Variants in PRDM10 observed in about 807,000 individuals in gnomAD.
PRDM10 encodes PR/SET domain 10.
A neutral mutation model predicts 133.1 loss-of-function variants in PRDM10; 65 were observed. The observed-to-expected ratio is 0.49, with a 90% CI of 0.40 to 0.60. The LOEUF (loss-of-function observed/expected upper bound fraction) is 0.60, where lower values mean the gene tolerates loss of function less well. Ranked by LOEUF, PRDM10 falls within the 20% of genes least tolerant of loss-of-function variation. The probability of loss-of-function intolerance (pLI) is 0.00; values close to 1 mark genes in which losing one functional copy is unlikely to be tolerated. For synonymous variants in PRDM10, 582 were observed against 580.4 expected, an observed-to-expected ratio of 1.00 and a Z score of -0.04; for missense variants, 1,137 against 1,507.1, an observed-to-expected ratio of 0.75 and a Z score of 4.07.
In PRDM10 at chr11:129,938,151, T is replaced by C. The variant is rs974605357; in HGVS notation, c.967-481A>G. Among the ~76,000 whole-genome samples the C allele has an allele frequency of 6.6e-5, 10 of 152,258 alleles. 1 individual carries two copies. Among genetic ancestry groups the C allele is most frequent in the Admixed American group, 4.6e-4 (7 of 15,310 alleles). On this transcript the variant is annotated intron_variant, in intron 7 of 20. Transcript: ENST00000360871. ...TTTTTTTCTCCCTAACTTCTAAATA[T>C]TGGTGTGGCTCAAAGCTTAGTCAGA...
In PRDM10 at chr11:129,945,257, C is replaced by T. The variant is rs1951368256; in HGVS notation, c.521-245G>A. 6.6e-6 allele frequency among the ~76,000 whole-genome samples: 1 copy of T among 152,192 alleles called. No homozygotes were observed. The highest frequency in any genetic ancestry group is 2.4e-5 in the African/African-American group (1 of 41,446). ...GCCAAAAACAACTAGCAGGCCATGA[C>T]TGACTTCTTTGCTGGAGAGTCCTTT... On this transcript the variant is annotated intron_variant, in intron 5 of 20. Transcript: ENST00000360871. The surrounding 1 kb of genome is among the most constrained non-coding windows in gnomAD (Gnocchi z 4.2).
chr11:129,975,979 T>A (rs1182141379), intron 1 of PRDM10, among the ~76,000 whole-genome samples: 1 of 152,140 alleles, frequency 6.6e-6, no homozygotes, highest in African/African-American at 2.4e-5. Flanking sequence ...GGCAATGATA[T>A]TTGGTCTCCT....
At chr11:129,940,546 T>C (rs936460052) in intron 7 of PRDM10, among the ~76,000 whole-genome samples, 3 of 152,252 alleles carry the variant, frequency 2.0e-5, no homozygotes, top group Non-Finnish European at 4.4e-5. Flanking sequence ...TTAAAAATTA[T>C]TAATGTTGAA....
At chr11:130,000,020 G>C (rs1032221777) in intron 1 of PRDM10, among the ~76,000 whole-genome samples, 2 of 145,990 alleles carry the variant, frequency 1.4e-5, no homozygotes, top group African/African-American at 5.0e-5. Context: ...TATGGGTTTT[G>C]TTTTTTTTCA....
chr11:129,982,782 C>A (rs1938184635), intron 1 of PRDM10, among the ~76,000 whole-genome samples: 1 of 151,996 alleles, frequency 6.6e-6, no homozygotes, highest in East Asian at 2.0e-4. Context: ...AAGACCTCCC[C>A]CCAACCATCT....
In PRDM10 at chr11:129,947,916, C is replaced by T. The variant is rs771629358; in HGVS notation, c.295-546G>A. The stretch of plus-strand genomic sequence containing the variant: ...GCCTTTCCAGAGTAGCCATACCACA[C>T]TGGAGGGGGTAAATGAGTTGACCTA... On this transcript the variant is annotated intron_variant, in intron 4 of 20. Coordinates refer to ENST00000360871, the MANE Select transcript of PRDM10 (RefSeq NM_199437.2). This position sits in a 1 kb window ranked among gnomAD's most constrained non-coding sequence, Gnocchi z 4.6. 8 of 398,850 alleles carry T rather than the reference C, an allele frequency of 2.0e-5. No homozygotes were observed. The Admixed American group carries it at 2.4e-4, about 12-fold the overall frequency. 24.7% of individuals were successfully genotyped at this position (398,850 alleles called of 1,614,324 possible). A position where few individuals can be genotyped will look rare whatever the true frequency, so the allele number is the denominator to read the frequency against.
chr11:129,915,456 G>A (rs762467959), intron 16 of PRDM10, among the ~76,000 whole-genome samples: 26 of 152,170 alleles, frequency 1.7e-4, no homozygotes, highest in Non-Finnish European at 3.2e-4. Flanking sequence ...GCTGCTGTAC[G>A]GCACTAATTC....
At chr11:129,984,080 C>A (rs1211045744) in intron 1 of PRDM10, among the ~76,000 whole-genome samples, 2 of 152,190 alleles carry the variant, frequency 1.3e-5, no homozygotes, top group Non-Finnish European at 2.9e-5. Context: ...CCTCTTTCCC[C>A]CTAGGCTTCC....
At chr11:130,001,931 G>A (rs1283839876) in intron 1 of PRDM10, among the ~76,000 whole-genome samples, 1 of 151,594 alleles carries the variant, frequency 6.6e-6, no homozygotes, top group Non-Finnish European at 1.5e-5. Context: ...CAGACCCGCA[G>A]GGGCCACCCC....
In PRDM10 at chr11:129,934,990, G is replaced by C. The variant is rs1458828282; in HGVS notation, c.1157+111C>G. 7 of 842,862 alleles carry C rather than the reference G, an allele frequency of 8.3e-6. No individual in the cohort carries two copies. The Admixed American group carries it at 9.5e-5, about 11-fold the overall frequency. The allele number at this position is 842,862 out of a possible 1,614,324, so 52.2% of individuals were successfully genotyped here. On this transcript the variant is annotated intron_variant, in intron 9 of 20. Coordinates refer to ENST00000360871, the MANE Select transcript of PRDM10 (RefSeq NM_199437.2). ...CACCGTTCCCTCAGTAGCCCACCTG[G>C]TTACCTATCTATACATGACACTCGG... is the stretch of plus-strand genomic sequence containing the variant.
At chr11:129,906,596 C>T (rs1445819577) in intron 19 of PRDM10, among the ~76,000 whole-genome samples, 1 of 152,170 alleles carries the variant, frequency 6.6e-6, no homozygotes, top group Non-Finnish European at 1.5e-5. Context: ...TCCTGCCTTT[C>T]TTGTACAAAC....
At chr11:129,909,561 C>A (rs971964325) in intron 19 of PRDM10, among the ~76,000 whole-genome samples, 19 of 152,036 alleles carry the variant, frequency 1.2e-4, no homozygotes, top group African/African-American at 4.3e-4. Context: ...CAAAGACGGG[C>A]CCCCAAAAAT....
chr11:130,002,227 C>T (rs1396632362), intron 1 of PRDM10, among the ~76,000 whole-genome samples: 1 of 148,818 alleles, frequency 6.7e-6, no homozygotes, highest in African/African-American at 2.4e-5. Flanking sequence ...ACCGCCGCCG[C>T]CGGAGCGCGC....
At chr11:129,930,930 T>C in intron 11 of PRDM10, 86 bp downstream of exon 11, 2 of 1,488,116 alleles carry the variant, frequency 1.3e-6, no homozygotes, top group East Asian at 2.3e-5. Flanking sequence ...GAGAGGAAGG[T>C]GAATAGGTTA....
intron 1 of PRDM10, among the ~76,000 whole-genome samples, chr11:129,977,899 G>A (rs1937875698): frequency 1.3e-5 from 2 of 152,180 alleles, no homozygotes; most frequent in East Asian, 1.9e-4. Context: ...TGAGGTTCCA[G>A]TGAGTGCGGT....
intron 19 of PRDM10, among the ~76,000 whole-genome samples, chr11:129,909,265 C>T (rs1950107918): frequency 6.6e-6 from 1 of 151,538 alleles, no homozygotes; most frequent in Non-Finnish European, 1.5e-5. Flanking sequence ...GCCTGGCAAA[C>T]ATGGTGAAAC....
At chr11:129,974,241 T>G (rs1371871685) in intron 1 of PRDM10, among the ~76,000 whole-genome samples, 4 of 151,854 alleles carry the variant, frequency 2.6e-5, no homozygotes, top group Admixed American at 1.3e-4. Context: ...ATGAAAGAAA[T>G]AATGACCAGG....
intron 1 of PRDM10, among the ~76,000 whole-genome samples, chr11:129,993,648 C>G (rs1025176764): frequency 3.7e-4 from 56 of 152,230 alleles, no homozygotes; most frequent in African/African-American, 1.3e-3. Flanking sequence ...CCACACCTGG[C>G]TAACTTTTTG....
intron 12 of PRDM10, among the ~76,000 whole-genome samples, chr11:129,924,181 C>T (rs528790061): frequency 2.8e-4 from 42 of 152,304 alleles, no homozygotes; most frequent in African/African-American, 9.6e-4. Flanking sequence ...AGCAATCTTT[C>T]TACTAGTTTG....
Sources: gnomAD v4.1 joint callset for allele counts (sites outside exome capture counted in the v4.1 genomes callset) on GRCh38, gnomAD v4.1.1 for gene constraint, Gnocchi (gnomAD v3.1) non-coding constraint, MANE v1.5 for transcripts, NCBI Gene and HGNC (gene_info 2026-07-23, HGNC 2026-07-21) for gene names.